Variants in C12orf75 observed in about 807,000 individuals in gnomAD.
The protein encoded by C12orf75 is chromosome 12 open reading frame 75.
C12orf75 carries 4 observed loss-of-function variants against 11.4 expected under a neutral mutation model. That is an observed-to-expected ratio of 0.35 (90% CI 0.17 to 0.80). C12orf75 has a LOEUF of 0.80. C12orf75 is among the 30% of genes least tolerant of loss of function. The probability of loss-of-function intolerance (pLI) is 0.52; values close to 1 mark genes in which losing one functional copy is unlikely to be tolerated. For missense variants in C12orf75, 89 were observed against 80.4 expected (o/e 1.11, Z -0.41); for synonymous variants, 30 against 30.0 (o/e 1.00, Z 0.00).
chr12:105,345,050 G>A (rs1418184480), intron 1 of C12orf75, among the ~76,000 whole-genome samples: 1 of 151,580 alleles, frequency 6.6e-6, no homozygotes, highest in Admixed American at 6.6e-5. Context: ...GGCCATGATG[G>A]GAAGTGGGGA....
chr12:105,332,628 G>A lies in C12orf75; in HGVS notation c.46+1691G>A, dbSNP rs191456015. On this transcript the variant is annotated intron_variant, in intron 1 of 5. Transcript: ENST00000443585. ...TGCTTGTAATCCCAGCTATTTGGGA[G>A]GCTGAGGCACGAGAATTGCTTGAAC... Among the ~76,000 whole-genome samples the A allele has an allele frequency of 3.0e-4, 45 of 152,082 alleles. No individual in the cohort carries two copies. The East Asian group carries it at 8.5e-3, about 29-fold the overall frequency.
intron 2 of C12orf75, among the ~76,000 whole-genome samples, chr12:105,364,438 C>T (rs1374972116): frequency 2.0e-5 from 3 of 152,158 alleles, no homozygotes; most frequent in Non-Finnish European, 4.4e-5. Flanking sequence ...CACTCTCTTC[C>T]AGTATTAGCT....
At chr12:105,332,208 C>A (rs572250994) in intron 1 of C12orf75, among the ~76,000 whole-genome samples, 38 of 152,246 alleles carry the variant, frequency 2.5e-4, no homozygotes, top group Non-Finnish European at 4.9e-4. Flanking sequence ...ACCCCGCACT[C>A]AAATTGTGTC....
rs1342568832 is a variant in C12orf75 at position 105,366,696 on chromosome 12, A to G, written c.187A>G (p.Asn63Asp). Residue 63 changes from asparagine (N) to aspartate (D), a missense_variant and splice_region_variant, in exon 4 of 6, where the codon AAT (asparagine) becomes GAT (aspartate). Physicochemically the swap from Asn to Asp is conservative, Grantham distance 23. Transcript: ENST00000443585. ...VSSQTKTVRK[N>D] ...CAGTCAAACAAAGACGGTTCGGAAA[A>G]GTAAGTGAAATCATGTGCTGTTGAT... 1 of 1,501,968 alleles carries G rather than the reference A, an allele frequency of 6.7e-7. No homozygotes were observed. Among genetic ancestry groups the G allele is most frequent in the Admixed American group, 2.0e-5 (1 of 50,746 alleles). The allele number at this position is 1,501,968 out of a possible 1,614,324, so 93.0% of individuals were successfully genotyped here. A position where few individuals can be genotyped will look rare whatever the true frequency, so the allele number is the denominator to read the frequency against.
At chr12:105,356,145 T>TA (rs1461270554) in intron 2 of C12orf75, among the ~76,000 whole-genome samples, 1 of 152,212 alleles carries the variant, frequency 6.6e-6, no homozygotes, top group Non-Finnish European at 1.5e-5. Flanking sequence ...ATTGTGTAAT[T>TA]AAGGGTTTGC....
chr12:105,368,698 A>G (rs1373547606), intron 5 of C12orf75, among the ~76,000 whole-genome samples: 3 of 152,178 alleles, frequency 2.0e-5, no homozygotes, highest in African/African-American at 7.2e-5. Flanking sequence ...GACTAATTTC[A>G]CAGGTAGAGA....
At chr12:105,332,319 G>T (rs1892440169) in intron 1 of C12orf75, among the ~76,000 whole-genome samples, 1 of 152,082 alleles carries the variant, frequency 6.6e-6, no homozygotes, top group Non-Finnish European at 1.5e-5. Context: ...ATTGTAGGAA[G>T]GATTTGTAGC....
At chr12:105,342,195 G>A (rs1461801123) in intron 1 of C12orf75, among the ~76,000 whole-genome samples, 1 of 152,192 alleles carries the variant, frequency 6.6e-6, no homozygotes, top group African/African-American at 2.4e-5. Flanking sequence ...GTTGGGAGGT[G>A]GGACCTAATA....
rs71440581 is a variant in C12orf75 at position 105,331,591 on chromosome 12, A to AACACACACACAC, written c.46+676_46+687dup. The stretch of plus-strand genomic sequence containing the variant: ...CAGTCTGTTAAGATACTTTTCATTA[A>AACACACACACAC]ACACACACACACACACACACACACA... On this transcript the variant is annotated intron_variant, in intron 1 of 5. Transcript: ENST00000443585. Among the ~76,000 whole-genome samples, 479 of 149,286 alleles carry AACACACACACAC rather than the reference A, an allele frequency of 3.2e-3. 4 individuals carry two copies. The highest frequency in any genetic ancestry group is 0.011 in the African/African-American group (451 of 40,550).
chr12:105,356,034 G>GGA (rs1334670815), intron 2 of C12orf75, among the ~76,000 whole-genome samples: 2 of 152,140 alleles, frequency 1.3e-5, no homozygotes, highest in Non-Finnish European at 2.9e-5. Context: ...GCTCATCCAG[G>GGA]GAGAGAGATC....
At chr12:105,357,425 T>C (rs1394225707) in intron 2 of C12orf75, among the ~76,000 whole-genome samples, 1 of 152,202 alleles carries the variant, frequency 6.6e-6, no homozygotes, top group African/African-American at 2.4e-5. Context: ...ATAAGGTACA[T>C]ATCACTAAAC....
chr12:105,336,411 A>G (rs1424087359), intron 1 of C12orf75, among the ~76,000 whole-genome samples: 1 of 152,248 alleles, frequency 6.6e-6, no homozygotes, highest in African/African-American at 2.4e-5. Context: ...GGGGTGTAAT[A>G]AGAGAGCCTA....
chr12:105,361,935 T>C (rs1892871939), intron 2 of C12orf75, among the ~76,000 whole-genome samples: 2 of 152,234 alleles, frequency 1.3e-5, no homozygotes. Flanking sequence ...GAACAACCTT[T>C]GTACCTGCAT....
At chr12:105,367,741 A>G (rs1407192103) in intron 5 of C12orf75, among the ~76,000 whole-genome samples, 1 of 152,182 alleles carries the variant, frequency 6.6e-6, no homozygotes, top group Non-Finnish European at 1.5e-5. Flanking sequence ...TATTTATTTA[A>G]TAAGAGCAAG....
chr12:105,340,860 G>A (rs1892564535), intron 1 of C12orf75, among the ~76,000 whole-genome samples: 1 of 152,190 alleles, frequency 6.6e-6, no homozygotes, highest in Admixed American at 6.5e-5. Context: ...TGTGAAAATG[G>A]AGGTGGAGCA....
At chr12:105,370,286 G>A (rs768212680) in intron 5 of C12orf75, among the ~76,000 whole-genome samples, 15 of 152,186 alleles carry the variant, frequency 9.9e-5, no homozygotes, top group Non-Finnish European at 1.6e-4. Flanking sequence ...TCTCCCAGGA[G>A]GTTTGGACCA....
Position 105,345,803 on chromosome 12 carries a change from C to T in C12orf75, c.47-2799C>T, listed in dbSNP as rs778047530. 1.1e-3 allele frequency among the ~76,000 whole-genome samples: 169 copies of T among 150,528 alleles called. 1 individual carries two copies. The highest frequency in any genetic ancestry group is 3.1e-4 in the Non-Finnish European group (21 of 67,732). ...CCTCCCAAGTAGCTGGGATTATAGGCGCCCACCACCACACCTGGCTAATTT... is the reference window on the plus strand; with the variant it reads ...CCTCCCAAGTAGCTGGGATTATAGGTGCCCACCACCACACCTGGCTAATTT... On this transcript the variant is annotated intron_variant, in intron 1 of 5. Transcript: ENST00000443585.
chr12:105,348,595 TC>T lies in C12orf75; in HGVS notation c.47-6del. On this transcript the variant is annotated splice_polypyrimidine_tract_variant and splice_region_variant and intron_variant, in intron 1 of 5. Transcript: ENST00000443585. ...CCAATACAAACCTATCTTCTTTTTT[TC>T]TCTAGGCCCTGCAGGAGCAGCCAAA... The T allele has an allele frequency of 6.5e-7, 1 of 1,533,784 alleles. No homozygotes were observed. The highest frequency in any genetic ancestry group is 1.2e-5 in the South Asian group (1 of 81,354).
Position 105,370,934 on chromosome 12 carries a change from A to G in C12orf75, c.*334A>G, listed in dbSNP as rs1486292276. The G allele has an allele frequency of 7.0e-6, 2 of 283,900 alleles. No homozygotes were observed. Among genetic ancestry groups the G allele is most frequent in the Non-Finnish European group, 1.4e-5 (2 of 140,818 alleles). 17.6% of individuals were successfully genotyped at this position (283,900 alleles called of 1,614,324 possible). A position where few individuals can be genotyped will look rare whatever the true frequency, so the allele number is the denominator to read the frequency against. On this transcript the variant is annotated 3_prime_UTR_variant, in exon 6 of 6. Transcript: ENST00000443585. Reference sequence around the variant, plus strand: ...AACATTTCCACCCTGGCCACTCAGCACATTTCATGGAGGTCATGTCTTTTC... The same window carrying G: ...AACATTTCCACCCTGGCCACTCAGCGCATTTCATGGAGGTCATGTCTTTTC...
Sources: allele counts gnomAD v4.1 joint callset (sites outside exome capture counted in the v4.1 genomes callset), GRCh38; gene constraint gnomAD v4.1.1; transcripts MANE v1.5; gene names NCBI Gene and HGNC (gene_info 2026-07-23, HGNC 2026-07-21).